The following STAC variants were observed in gnomAD, a reference collection of about 807,000 sequenced individuals.
STAC encodes SH3 and cysteine rich domain.
Under a neutral mutation model 48.8 loss-of-function variants are expected in STAC, and 43 were observed. The observed-to-expected ratio is 0.88, with a 90% CI of 0.69 to 1.14. STAC has a LOEUF of 1.14. Ranked by LOEUF, STAC falls within the 50% of genes most tolerant of loss-of-function variation. The pLI, the probability that STAC is intolerant of heterozygous loss-of-function variation, is 0.00. For missense variants in STAC, 497 were observed against 504.0 expected (o/e 0.99, Z 0.13); for synonymous variants, 193 against 179.5 (o/e 1.07, Z -0.60).
intron 1 of STAC, among the ~76,000 whole-genome samples, chr3:36,414,528 GGTCCTT>G (rs1237692011): frequency 6.6e-6 from 1 of 152,066 alleles, no homozygotes; most frequent in Non-Finnish European, 1.5e-5. Flanking sequence ...AGCTCCATCA[GGTCCTT>G]TAAGGACTCC....
chr3:36,395,116 A>G (rs1183290600), intron 1 of STAC, among the ~76,000 whole-genome samples: 3 of 152,050 alleles, frequency 2.0e-5, no homozygotes, highest in African/African-American at 7.2e-5. Context: ...CTTCAAAAAG[A>G]TTGGATGTGA....
At chr3:36,483,595 T>C (rs756310459) in intron 3 of STAC, among the ~76,000 whole-genome samples, 13 of 152,174 alleles carry the variant, frequency 8.5e-5, no homozygotes, top group Non-Finnish European at 1.6e-4. Context: ...TGAATGGCCC[T>C]TGAGATGGCT....
At chr3:36,441,915 A>C (rs1422242096) in intron 1 of STAC, among the ~76,000 whole-genome samples, 1 of 151,102 alleles carries the variant, frequency 6.6e-6, no homozygotes, top group Non-Finnish European at 1.5e-5. Flanking sequence ...TCATTTTCTC[A>C]TTTTTAAATT....
At chr3:36,405,563 G>T (rs1052816050) in intron 1 of STAC, among the ~76,000 whole-genome samples, 2 of 152,158 alleles carry the variant, frequency 1.3e-5, no homozygotes, top group South Asian at 4.2e-4. Flanking sequence ...ACAACTGATC[G>T]CTATTTAAAG....
chr3:36,490,526 A>G (rs1020689678), intron 5 of STAC, among the ~76,000 whole-genome samples: 4 of 152,124 alleles, frequency 2.6e-5, no homozygotes, highest in Non-Finnish European at 5.9e-5. Flanking sequence ...AGCCTCTTCC[A>G]TGCTTGTGGG....
At chr3:36,451,381 CTCCT>C (rs1696675156) in intron 2 of STAC, among the ~76,000 whole-genome samples, 1 of 152,122 alleles carries the variant, frequency 6.6e-6, no homozygotes, top group South Asian at 2.1e-4. Context: ...AACAGTATTT[CTCCT>C]TCCTGTTTTT....
At chr3:36,493,435 G>A (rs1698048523) in intron 6 of STAC, among the ~76,000 whole-genome samples, 1 of 152,026 alleles carries the variant, frequency 6.6e-6, no homozygotes, top group African/African-American at 2.4e-5. Flanking sequence ...TCTATATCCT[G>A]AGTTCTCATA....
chr3:36,428,581 G>C (rs1486594317), intron 1 of STAC, among the ~76,000 whole-genome samples: 1 of 151,918 alleles, frequency 6.6e-6, no homozygotes, highest in East Asian at 1.9e-4. Context: ...TAGAGCACAG[G>C]GATCGGGGAA....
At chr3:36,381,270 T>A (rs958362262) in intron 1 of STAC, among the ~76,000 whole-genome samples, 1 of 152,232 alleles carries the variant, frequency 6.6e-6, no homozygotes, top group African/African-American at 2.4e-5. Flanking sequence ...CCTGCGTTTG[T>A]CTGAAAGTTG....
At chr3:36,473,078 GC>G (rs951444296) in intron 2 of STAC, among the ~76,000 whole-genome samples, 1 of 152,200 alleles carries the variant, frequency 6.6e-6, no homozygotes, top group Non-Finnish European at 1.5e-5. Context: ...ATGGCGGGAG[GC>G]AAAAGGCACT....
chr3:36,474,556 G>A (rs1417452360), intron 2 of STAC, among the ~76,000 whole-genome samples: 1 of 152,164 alleles, frequency 6.6e-6, no homozygotes, highest in Non-Finnish European at 1.5e-5. Context: ...TCAGAGTTGT[G>A]TAGACCCAGA....
intron 1 of STAC, among the ~76,000 whole-genome samples, chr3:36,409,243 T>C (rs993109932): frequency 6.6e-6 from 1 of 152,184 alleles, no homozygotes; most frequent in Non-Finnish European, 1.5e-5. Flanking sequence ...AGTGACAGAC[T>C]TGAGAGAAGC....
chr3:36,533,878 G>A (rs1699133227), intron 10 of STAC, among the ~76,000 whole-genome samples: 2 of 151,932 alleles, frequency 1.3e-5, no homozygotes, highest in African/African-American at 4.8e-5. Flanking sequence ...TTAGGTTCAG[G>A]GGTACAACAT....
chr3:36,450,173 C>G (rs1409832857), intron 2 of STAC, among the ~76,000 whole-genome samples: 2 of 152,166 alleles, frequency 1.3e-5, no homozygotes, highest in African/African-American at 2.4e-5. Context: ...ATTTATGTGC[C>G]TATTCCCACT....
chr3:36,546,239 A>G lies in STAC; in HGVS notation c.1159A>G (p.Ser387Gly). The change falls in exon 11 of 11, where the codon AGT (serine) becomes GGT (glycine). Residue 387 changes from serine to glycine, a missense_variant. Physicochemically the swap from Ser to Gly is moderately conservative, Grantham distance 56. Coordinates refer to ENST00000273183, the MANE Select transcript of STAC (RefSeq NM_003149.3). ...EEQDGFIRVL[S>G]GKKKGLIPLD... ...ACAAGATGGTTTTATCAGAGTCCTC[A>G]GTGGAAAAAAGAAAGGCCTCATCCC... The G allele has an allele frequency of 6.2e-7, 1 of 1,614,060 alleles. No individual in the cohort carries two copies.
intron 2 of STAC, among the ~76,000 whole-genome samples, chr3:36,445,396 A>G (rs1157484374): frequency 2.0e-5 from 3 of 152,222 alleles, no homozygotes; most frequent in Non-Finnish European, 4.4e-5. Flanking sequence ...AAGGACAGAA[A>G]CAAAATAAAC....
rs74659756 is a variant in STAC, at chr3:36,385,013, C to T, written c.111+4259C>T. 7.0e-3 allele frequency among the ~76,000 whole-genome samples: 1,073 copies of T among 152,210 alleles called. 14 individuals carry two copies. The highest frequency in any genetic ancestry group is 0.024 in the African/African-American group (999 of 41,532). On this transcript the variant is annotated intron_variant, in intron 1 of 10. Coordinates refer to ENST00000273183, the MANE Select transcript of STAC (RefSeq NM_003149.3). ...GGGAAGAAGATGAAAGAAAACGAAACCTTGGCTTTGCATTGAAATCACCAA... is the reference window on the plus strand; with the variant it reads ...GGGAAGAAGATGAAAGAAAACGAAATCTTGGCTTTGCATTGAAATCACCAA...
At chr3:36,423,470 C>T (rs1222397436) in intron 1 of STAC, among the ~76,000 whole-genome samples, 1 of 150,700 alleles carries the variant, frequency 6.6e-6, no homozygotes, top group Admixed American at 6.6e-5. Context: ...ATAAAAAGAT[C>T]CCCAGTATAT....
rs111306442 is a variant in STAC, at chr3:36,380,700, G to A, written c.57G>A (p.Ala19=). 5.6e-6 allele frequency: 9 copies of A among 1,611,490 alleles called. No homozygotes were observed. In the African/African-American group the frequency reaches 6.7e-5, roughly 12 times the overall value. Residue 19 remains alanine, a synonymous_variant, in exon 1 of 11, where the codon GCG becomes GCA. Transcript: ENST00000273183. Reference sequence around the variant, plus strand: ...GCGTGGACGGGCTGCCCAAGGAGGCGGTGGGCGCCGAGCAACCGCCCTCTC... The same window carrying A: ...GCGTGGACGGGCTGCCCAAGGAGGCAGTGGGCGCCGAGCAACCGCCCTCTC... ...EDGVDGLPKE[A]VGAEQPPSPA... is the part of the protein sequence containing the mutation.
Sources: gnomAD v4.1 joint callset for allele counts (sites outside exome capture counted in the v4.1 genomes callset) on GRCh38, gnomAD v4.1.1 for gene constraint, MANE v1.5 for transcripts, NCBI Gene and HGNC (gene_info 2026-07-23, HGNC 2026-07-21) for gene names.